FSTL4: variants seen among roughly 807,000 people sequenced by gnomAD.
FSTL4 encodes the protein follistatin-related protein 4.
A neutral mutation model predicts 78.2 loss-of-function variants in FSTL4; 28 were observed. The ratio of observed to expected loss-of-function variants is 0.36; its 90% CI spans 0.27 to 0.49. The LOEUF (loss-of-function observed/expected upper bound fraction) is 0.49. FSTL4 is among the 20% of genes least tolerant of loss of function. The pLI is 0.98. For missense variants in FSTL4, 922 were observed against 1,084.9 expected (o/e 0.85, Z 2.11); for synonymous variants, 422 against 440.5 (o/e 0.96, Z 0.53).
At chr5:133,334,999 G>T (rs1754431916) in intron 4 of FSTL4, among the ~76,000 whole-genome samples, 1 of 152,196 alleles carries the variant, frequency 6.6e-6, no homozygotes, top group Non-Finnish European at 1.5e-5. Flanking sequence ...GCTCCCAGAG[G>T]TATCTAAAGG....
At position 133,280,269 on chromosome 5, in the gene FSTL4, T is replaced by C. The variant is rs79750867; in HGVS notation, c.728-30693A>G. On this transcript the variant is annotated intron_variant, in intron 6 of 15. Transcript: ENST00000265342. ...CATTGCCAACCCCAGCCTCATTACATGGACAGGATTTAGGTGGCAAGTGGC... is the reference window on the plus strand; with the variant it reads ...CATTGCCAACCCCAGCCTCATTACACGGACAGGATTTAGGTGGCAAGTGGC... 2.6e-3 allele frequency among the ~76,000 whole-genome samples: 399 copies of C among 152,210 alleles called. 10 individuals carry two copies. In the East Asian group the frequency reaches 0.072, roughly 27 times the overall value.
intron 4 of FSTL4, among the ~76,000 whole-genome samples, chr5:133,333,334 G>A (rs973491470): frequency 2.6e-5 from 4 of 152,234 alleles, no homozygotes; most frequent in South Asian, 2.1e-4. Context: ...CAGCCAGGCC[G>A]TTGCCTGCCT....
chr5:133,567,482 C>G (rs1041386560), intron 2 of FSTL4, among the ~76,000 whole-genome samples: 5 of 152,162 alleles, frequency 3.3e-5, no homozygotes, highest in Admixed American at 6.5e-5. Context: ...CAGGGCCTTC[C>G]TTATTTGGAG....
intron 6 of FSTL4, among the ~76,000 whole-genome samples, chr5:133,265,555 C>T (rs897711781): frequency 6.6e-5 from 10 of 152,210 alleles, no homozygotes; most frequent in African/African-American, 2.4e-4. Flanking sequence ...CACAAACCCA[C>T]AAAAATAAAT....
At chr5:133,599,371 C>A (rs748812905) in intron 2 of FSTL4, among the ~76,000 whole-genome samples, 1 of 152,068 alleles carries the variant, frequency 6.6e-6, no homozygotes, top group Non-Finnish European at 1.5e-5. Flanking sequence ...CTTAGGCTGA[C>A]CCCTGAGGTT....
the FSTL4 span, among the ~76,000 whole-genome samples, chr5:133,683,561 T>C: frequency 6.6e-6 from 1 of 152,206 alleles, no homozygotes; most frequent in East Asian, 1.9e-4. Flanking sequence ...TCACAGGCCA[T>C]GCATCAAGAT....
the FSTL4 span, among the ~76,000 whole-genome samples, chr5:133,655,301 G>T: frequency 6.6e-6 from 1 of 152,126 alleles, no homozygotes; most frequent in African/African-American, 2.4e-5. Flanking sequence ...GGCCCCACCA[G>T]CCTCTAGCTA....
the FSTL4 span, among the ~76,000 whole-genome samples, chr5:133,741,452 C>G: frequency 2.3e-4 from 35 of 152,298 alleles, no homozygotes; most frequent in Middle Eastern, 3.4e-3. Context: ...GACTGTCTCC[C>G]CATGCAAGAG....
chr5:133,256,352 T>C (rs1022768684), intron 6 of FSTL4: 3 of 152,220 alleles, frequency 2.0e-5, no homozygotes, highest in African/African-American at 7.2e-5. Flanking sequence ...AGTCTATTGA[T>C]CTGGTCCCAT....
At chr5:133,806,111 A>G in the FSTL4 span, among the ~76,000 whole-genome samples, 1 of 152,028 alleles carries the variant, frequency 6.6e-6, no homozygotes, top group African/African-American at 2.4e-5. Flanking sequence ...CGCAAAACAA[A>G]TTTATTTTTT....
chr5:133,673,352 C>A, the FSTL4 span, among the ~76,000 whole-genome samples: 1 of 152,212 alleles, frequency 6.6e-6, no homozygotes, highest in Non-Finnish European at 1.5e-5. Context: ...CAGGGCAGAG[C>A]AGCCCCAGCC....
At chr5:133,533,699 C>T (rs547819826) in intron 3 of FSTL4, among the ~76,000 whole-genome samples, 28 of 152,300 alleles carry the variant, frequency 1.8e-4, no homozygotes, top group South Asian at 6.2e-4. Flanking sequence ...AACAAACATT[C>T]GCTTCATCAG....
At position 133,607,146 on chromosome 5, in the gene FSTL4, C is replaced by G. The variant is rs552881389; in HGVS notation, c.-10-3153G>C. ...GCTTGTTTGTAAAGTTTAGCTCAGT[C>G]TGTCTACCACTAGCTGTGATTTCAT... is the stretch of plus-strand genomic sequence containing the variant. On this transcript the variant is annotated intron_variant, in intron 1 of 15. Transcript: ENST00000265342. 5.9e-5 allele frequency among the ~76,000 whole-genome samples: 9 copies of G among 152,316 alleles called. No individual in the cohort carries two copies. In the East Asian group the frequency reaches 1.2e-3, roughly 20 times the overall value.
chr5:133,205,934 C>G (rs1033009526), intron 14 of FSTL4, among the ~76,000 whole-genome samples: 3 of 152,202 alleles, frequency 2.0e-5, no homozygotes, highest in African/African-American at 7.2e-5. Context: ...CGAGCACAAA[C>G]TAGCGCAACC....
chr5:133,346,336 C>A (rs923878095), intron 4 of FSTL4, among the ~76,000 whole-genome samples: 1 of 152,148 alleles, frequency 6.6e-6, no homozygotes, highest in Admixed American at 6.5e-5. Flanking sequence ...GTGCAGCAAA[C>A]CACCATGGCA....
intron 12 of FSTL4, among the ~76,000 whole-genome samples, chr5:133,218,141 C>T (rs932787263): frequency 1.3e-5 from 2 of 152,186 alleles, no homozygotes; most frequent in African/African-American, 4.8e-5. Flanking sequence ...GCTCATTCTA[C>T]TGAAAACCTG....
intron 3 of FSTL4, among the ~76,000 whole-genome samples, chr5:133,408,582 G>T (rs1334742044): frequency 6.6e-6 from 1 of 151,434 alleles, no homozygotes; most frequent in East Asian, 1.9e-4. Context: ...TGGAGCGGGG[G>T]CGGGGTGGGG....
intron 6 of FSTL4, among the ~76,000 whole-genome samples, chr5:133,261,952 A>G (rs567134030): frequency 6.6e-6 from 1 of 151,908 alleles, no homozygotes; most frequent in African/African-American, 2.4e-5. Flanking sequence ...AGATTGCGCC[A>G]CTGGACTCCA....
chr5:133,680,411 T>C, the FSTL4 span, among the ~76,000 whole-genome samples: 21 of 152,290 alleles, frequency 1.4e-4, no homozygotes, highest in African/African-American at 5.1e-4. Flanking sequence ...TCCAAGGTGG[T>C]GGGCCCTGCC....
Sources: gnomAD v4.1 joint callset for allele counts (sites outside exome capture counted in the v4.1 genomes callset) on GRCh38, gnomAD v4.1.1 for gene constraint, MANE v1.5 for transcripts, NCBI Gene and HGNC (gene_info 2026-07-23, HGNC 2026-07-21) for gene names.